Variants in GFOD1 observed in about 807,000 individuals in gnomAD.
GFOD1 encodes the protein glucose-fructose oxidoreductase domain-containing protein 1.
In GFOD1, 9 loss-of-function variants were observed where a neutral mutation model predicts 25.4. The observed-to-expected ratio is 0.35, with a 90% CI of 0.21 to 0.62. GFOD1 has a LOEUF of 0.62. Ranked by LOEUF, GFOD1 falls within the 20% of genes least tolerant of loss-of-function variation. GFOD1 has a pLI of 0.72. For synonymous variants in GFOD1, 253 were observed against 245.6 expected (o/e 1.03, Z -0.28); for missense variants, 403 against 556.9 (o/e 0.72, Z 2.78).
chr6:13,422,350 G>C (rs537994171), intron 1 of GFOD1, among the ~76,000 whole-genome samples: 6 of 152,242 alleles, frequency 3.9e-5, no homozygotes, highest in Non-Finnish European at 8.8e-5. Context: ...AGAAAATGGC[G>C]TAGCTGGAGG....
chr6:13,376,056 G>C (rs1332011918), intron 1 of GFOD1, among the ~76,000 whole-genome samples: 2 of 152,206 alleles, frequency 1.3e-5, no homozygotes, highest in African/African-American at 4.8e-5. Flanking sequence ...GGGAGACTGA[G>C]GGTAGAGGTC....
chr6:13,438,610 T>C (rs1017616968), intron 1 of GFOD1, among the ~76,000 whole-genome samples: 6 of 152,170 alleles, frequency 3.9e-5, no homozygotes, highest in Non-Finnish European at 2.9e-5. Context: ...GCACTTATAA[T>C]GGACCCAACA....
At chr6:13,385,042 C>T (rs1388071097) in intron 1 of GFOD1, among the ~76,000 whole-genome samples, 1 of 152,182 alleles carries the variant, frequency 6.6e-6, no homozygotes, top group East Asian at 1.9e-4. Context: ...CAGCAGAGTT[C>T]AAGTTCCAGC....
intron 1 of GFOD1, among the ~76,000 whole-genome samples, chr6:13,445,849 C>T (rs1485567243): frequency 6.6e-6 from 1 of 152,204 alleles, no homozygotes; most frequent in Non-Finnish European, 1.5e-5. Flanking sequence ...ACAGTCCAGA[C>T]GTCCAACCTC....
chr6:13,424,956 C>CTTTTTTT (rs571287840), intron 1 of GFOD1, among the ~76,000 whole-genome samples: 7 of 123,896 alleles, frequency 5.6e-5, no homozygotes, highest in African/African-American at 1.3e-4. Flanking sequence ...ACATTTAATT[C>CTTTTTTT]TTTTTTTTTT....
At chr6:13,481,102 C>CAGCAAGCAAGAAAGCA (rs983610473) in intron 1 of GFOD1, among the ~76,000 whole-genome samples, 3 of 152,148 alleles carry the variant, frequency 2.0e-5, no homozygotes, top group Non-Finnish European at 4.4e-5. Flanking sequence ...GGGAAACAAA[C>CAGCAAGCAAGAAAGCA]AGCAAGCAAG....
intron 1 of GFOD1, among the ~76,000 whole-genome samples, chr6:13,409,136 AGAAAGAAAGAAAGAGAG>A (rs1562209379): frequency 5.0e-5 from 2 of 39,914 alleles, no homozygotes; most frequent in African/African-American, 9.7e-5. Flanking sequence ...AAAGAAAGAA[AGAAAGAAAGAAAGAGAG>A]GAAAGAAAGA....
At chr6:13,441,713 T>C (rs983010184) in intron 1 of GFOD1, among the ~76,000 whole-genome samples, 1 of 152,242 alleles carries the variant, frequency 6.6e-6, no homozygotes, top group Non-Finnish European at 1.5e-5. Context: ...TAAGTTCCTA[T>C]GGCATATTTC....
intron 1 of GFOD1, among the ~76,000 whole-genome samples, chr6:13,468,253 CT>C: frequency 6.6e-6 from 1 of 152,066 alleles, no homozygotes; most frequent in East Asian, 1.9e-4. Context: ...CTTCTGTGTC[CT>C]TTTTCTTTAC....
chr6:13,390,724 A>C (rs1329544356), intron 1 of GFOD1, among the ~76,000 whole-genome samples: 1 of 139,134 alleles, frequency 7.2e-6, no homozygotes. Context: ...ACCCTGTGAA[A>C]AAAAAAAAAA....
chr6:13,483,564 T>C (rs916407998), intron 1 of GFOD1, among the ~76,000 whole-genome samples: 1 of 148,876 alleles, frequency 6.7e-6, no homozygotes, highest in Non-Finnish European at 1.5e-5. Flanking sequence ...AGAGGCAGGG[T>C]TGGGTGGGGT....
At chr6:13,393,874 G>T (rs1405509302) in intron 1 of GFOD1, among the ~76,000 whole-genome samples, 1 of 147,144 alleles carries the variant, frequency 6.8e-6, no homozygotes, top group Non-Finnish European at 1.5e-5. Context: ...CCGCCTCCCG[G>T]GTTCGGCCAC....
At chr6:13,372,953 G>A (rs1462809369) in intron 1 of GFOD1, among the ~76,000 whole-genome samples, 1 of 152,232 alleles carries the variant, frequency 6.6e-6, no homozygotes, top group African/African-American at 2.4e-5. Flanking sequence ...GATTGGCAGA[G>A]CCCCCAAAAG....
chr6:13,465,637 ATGTTTG>A (rs1274923498), intron 1 of GFOD1, among the ~76,000 whole-genome samples: 1 of 152,130 alleles, frequency 6.6e-6, no homozygotes, highest in East Asian at 1.9e-4. Context: ...GGGCTTCAGG[ATGTTTG>A]ACACCTTCCC....
intron 1 of GFOD1, among the ~76,000 whole-genome samples, chr6:13,419,941 C>T (rs545551725): frequency 3.9e-5 from 6 of 152,312 alleles, no homozygotes; most frequent in East Asian, 1.9e-4. Flanking sequence ...CCCCGCCGGC[C>T]GGGCTTTGGG....
intron 1 of GFOD1, chr6:13,470,235 G>C (rs781033364): frequency 2.5e-6 from 4 of 1,596,908 alleles, no homozygotes; most frequent in Non-Finnish European, 1.7e-6. Context: ...CTGGAAAGAA[G>C]GGCAATTGCC....
intron 1 of GFOD1, among the ~76,000 whole-genome samples, chr6:13,366,130 A>G (rs1785043381): frequency 6.6e-6 from 1 of 151,992 alleles, no homozygotes; most frequent in Non-Finnish European, 1.5e-5. Flanking sequence ...AAGATATTCT[A>G]TATATTTCAA....
At chr6:13,463,421 T>C (rs1758325904) in intron 1 of GFOD1, among the ~76,000 whole-genome samples, 1 of 152,244 alleles carries the variant, frequency 6.6e-6, no homozygotes, top group Admixed American at 6.5e-5. Context: ...TCAGTTCATA[T>C]GCTCAGTAGC....
chr6:13,360,470 C>A lies in GFOD1; in HGVS notation c.*4273G>T, dbSNP rs1372518253. On this transcript the variant is annotated 3_prime_UTR_variant, in exon 2 of 2. Coordinates refer to ENST00000379287, the MANE Select transcript of GFOD1 (RefSeq NM_018988.4). ...AACAAACGAACTTTAAAGCCCCACT[C>A]CCTGAGAAAGGACATTTTCCTACGT... The A allele has an allele frequency of 2.9e-6, 1 of 347,410 alleles. No homozygotes were observed. Among genetic ancestry groups the A allele is most frequent in the East Asian group, 7.6e-5 (1 of 13,074 alleles). 21.5% of individuals were successfully genotyped at this position (347,410 alleles called of 1,614,324 possible). A position where few individuals can be genotyped will look rare whatever the true frequency, so the allele number is the denominator to read the frequency against.
Sources: gnomAD v4.1 joint callset for allele counts (sites outside exome capture counted in the v4.1 genomes callset) on GRCh38, gnomAD v4.1.1 for gene constraint, MANE v1.5 for transcripts, NCBI Gene and HGNC (gene_info 2026-07-23, HGNC 2026-07-21) for gene names.